MOGAT1: variants seen among roughly 807,000 people sequenced by gnomAD.
The protein encoded by MOGAT1 is 2-acylglycerol O-acyltransferase 1.
A neutral mutation model predicts 31.4 loss-of-function variants in MOGAT1; 32 were observed. That is an observed-to-expected ratio of 1.02 (90% CI 0.77 to 1.37). MOGAT1 has a LOEUF of 1.37. Among genes scored for constraint, MOGAT1 ranks in the 40% most tolerant of loss-of-function variants. The probability of loss-of-function intolerance (pLI) is 0.00; values close to 1 mark genes in which losing one functional copy is unlikely to be tolerated. For missense variants in MOGAT1, 426 were observed against 402.0 expected (o/e 1.06, Z -0.51); for synonymous variants, 145 against 144.5 (o/e 1.00, Z -0.03).
At chr2:222,688,878 G>T (rs973986311) in intron 2 of MOGAT1, among the ~76,000 whole-genome samples, 15 of 152,186 alleles carry the variant, frequency 9.9e-5, no homozygotes, top group Admixed American at 7.9e-4. Flanking sequence ...CCACTTCTGT[G>T]ATAATGGCGT....
chr2:222,704,577 T>C (rs1692976280), intron 5 of MOGAT1, among the ~76,000 whole-genome samples: 1 of 150,688 alleles, frequency 6.6e-6, no homozygotes, highest in South Asian at 2.1e-4. Context: ...TGAGCCGAGA[T>C]CGCGCCACTG....
intron 1 of MOGAT1, chr2:222,677,946 T>C: frequency 3.7e-6 from 1 of 267,154 alleles, no homozygotes; most frequent in Non-Finnish European, 7.8e-6. Context: ...AATCCTTTAC[T>C]CTGAGAATCT....
intron 5 of MOGAT1, among the ~76,000 whole-genome samples, chr2:222,702,208 A>C (rs1692939436): frequency 6.6e-6 from 1 of 152,236 alleles, no homozygotes; most frequent in Non-Finnish European, 1.5e-5. Flanking sequence ...TAAAAATATC[A>C]GTGTCATAAG....
chr2:222,684,288 C>A (rs1379110668), intron 1 of MOGAT1, among the ~76,000 whole-genome samples: 2 of 151,904 alleles, frequency 1.3e-5, no homozygotes, highest in African/African-American at 4.8e-5. Context: ...CCTGTAATCC[C>A]AGCTATATTC....
intron 3 of MOGAT1, among the ~76,000 whole-genome samples, chr2:222,693,979 T>C (rs913393893): frequency 2.6e-5 from 4 of 152,170 alleles, no homozygotes; most frequent in African/African-American, 9.7e-5. Flanking sequence ...CCATGATAAA[T>C]ATCAAGGCCA....
intron 3 of MOGAT1, 93 bp downstream of exon 3, chr2:222,689,562 C>G (rs1692728239): frequency 8.2e-7 from 1 of 1,220,544 alleles, no homozygotes; most frequent in South Asian, 1.3e-5. Context: ...TTTATGGTCT[C>G]TTAGAGTAAA....
chr2:222,672,299 C>T (rs1403653198), intron 1 of MOGAT1, among the ~76,000 whole-genome samples: 2 of 152,150 alleles, frequency 1.3e-5, no homozygotes, highest in Admixed American at 6.5e-5. Flanking sequence ...TAGTTAAAAC[C>T]TTGTTCCTTC....
chr2:222,673,266 T>C (rs1415425852), intron 1 of MOGAT1, among the ~76,000 whole-genome samples: 2 of 147,796 alleles, frequency 1.4e-5, no homozygotes, highest in East Asian at 3.9e-4. Flanking sequence ...TACACCTTTT[T>C]TTTTTTCCTT....
chr2:222,698,246 C>G (rs1228438776), intron 5 of MOGAT1, among the ~76,000 whole-genome samples: 1 of 152,216 alleles, frequency 6.6e-6, no homozygotes, highest in African/African-American at 2.4e-5. Context: ...AAAGATGTTA[C>G]TTCCATGTAT....
chr2:222,697,724 C>A (rs1055844569), intron 5 of MOGAT1, among the ~76,000 whole-genome samples: 1 of 151,952 alleles, frequency 6.6e-6, no homozygotes, highest in Non-Finnish European at 1.5e-5. Flanking sequence ...CAGGCATGCA[C>A]CACCACACTC....
intron 1 of MOGAT1, among the ~76,000 whole-genome samples, chr2:222,672,721 G>A (rs1252312650): frequency 1.3e-5 from 2 of 152,014 alleles, no homozygotes; most frequent in South Asian, 2.1e-4. Context: ...TACAGCGTTG[G>A]GGTGGTAATA....
chr2:222,697,960 C>T (rs79873991), intron 5 of MOGAT1, among the ~76,000 whole-genome samples: 11,696 of 152,036 alleles, frequency 0.077, 777 homozygotes, highest in African/African-American at 0.18. Flanking sequence ...CACATGTGCC[C>T]GTGAGCACCC....
At chr2:222,708,351 T>C (rs1012968543) in intron 5 of MOGAT1, among the ~76,000 whole-genome samples, 1 of 152,186 alleles carries the variant, frequency 6.6e-6, no homozygotes, top group African/African-American at 2.4e-5. Context: ...CCCAAAGTGT[T>C]GGGATTACAG....
intron 5 of MOGAT1, among the ~76,000 whole-genome samples, chr2:222,706,403 G>T (rs183539344): frequency 1.3e-5 from 2 of 151,564 alleles, no homozygotes; most frequent in African/African-American, 4.9e-5. Context: ...AACCTGGGGG[G>T]CAGAGGTTGC....
rs181652824 is a variant in MOGAT1 at position 222,684,299 on chromosome 2, G to A, written c.95-4045G>A. ...CATGCCTGTAATCCCAGCTATATTC[G>A]GGAGGCTGAGGCAGGAGAATCCCTT... On this transcript the variant is annotated intron_variant, in intron 1 of 5. Coordinates refer to ENST00000446656, the MANE Select transcript of MOGAT1 (RefSeq NM_058165.3). Among the ~76,000 whole-genome samples, 171 of 151,954 alleles carry A rather than the reference G, an allele frequency of 1.1e-3. 9 individuals carry two copies. The East Asian group carries it at 0.025, about 22-fold the overall frequency.
intron 5 of MOGAT1, among the ~76,000 whole-genome samples, chr2:222,706,178 T>C (rs1428769653): frequency 2.6e-5 from 4 of 152,174 alleles, no homozygotes; most frequent in Non-Finnish European, 5.9e-5. Flanking sequence ...CTTATGATTA[T>C]AAATTCACTC....
At chr2:222,706,796 A>C (rs1693009187) in intron 5 of MOGAT1, among the ~76,000 whole-genome samples, 1 of 152,238 alleles carries the variant, frequency 6.6e-6, no homozygotes, top group Non-Finnish European at 1.5e-5. Flanking sequence ...ATTTGCTTAG[A>C]TTTACATGTA....
rs573386550 is a variant in MOGAT1, at chr2:222,673,703, A to T, written c.94+1824A>T. On this transcript the variant is annotated intron_variant, in intron 1 of 5. Coordinates refer to ENST00000446656, the MANE Select transcript of MOGAT1 (RefSeq NM_058165.3). Reference sequence around the variant, plus strand: ...TTAAATGGCCTGAACTTGGAGTCCGACTTCCTAACCGATCATTCAACACAT... The same window carrying T: ...TTAAATGGCCTGAACTTGGAGTCCGTCTTCCTAACCGATCATTCAACACAT... Among the ~76,000 whole-genome samples, 48 of 152,308 alleles carry T rather than the reference A, an allele frequency of 3.2e-4. No homozygotes were observed. The South Asian group carries it at 7.9e-3, about 25-fold the overall frequency.
intron 5 of MOGAT1, among the ~76,000 whole-genome samples, chr2:222,701,117 G>A (rs1290376147): frequency 6.6e-6 from 1 of 152,136 alleles, no homozygotes; most frequent in Non-Finnish European, 1.5e-5. Context: ...TCCCGTGGCT[G>A]GCCGCGGTGG....
Sources: gnomAD v4.1 joint callset for allele counts (sites outside exome capture counted in the v4.1 genomes callset) on GRCh38, gnomAD v4.1.1 for gene constraint, MANE v1.5 for transcripts, NCBI Gene and HGNC (gene_info 2026-07-23, HGNC 2026-07-21) for gene names.